GCFC2: variants seen among roughly 807,000 people sequenced by gnomAD.
The protein encoded by GCFC2 is intron Large complex component GCFC2.
Under a neutral mutation model 99.4 loss-of-function variants are expected in GCFC2, and 102 were observed. The observed-to-expected ratio is 1.03, with a 90% confidence interval of 0.87 to 1.21. The LOEUF (loss-of-function observed/expected upper bound fraction) is 1.21. Ranked by LOEUF, GCFC2 falls within the 50% of genes most tolerant of loss-of-function variation. The pLI, the probability that GCFC2 is intolerant of heterozygous loss-of-function variation, is 0.00. For missense variants in GCFC2, 973 were observed against 920.9 expected (o/e 1.06, Z -0.73); for synonymous variants, 338 against 316.8 (o/e 1.07, Z -0.71).
chr2:75,677,020 C>T (rs1389341027), intron 12 of GCFC2, among the ~76,000 whole-genome samples: 1 of 152,176 alleles, frequency 6.6e-6, no homozygotes, highest in Non-Finnish European at 1.5e-5. Flanking sequence ...CAATGCCCTA[C>T]TGGCCATTAT....
At chr2:75,688,888 A>G in intron 10 of GCFC2, 138 bp downstream of exon 10, 1 of 571,304 alleles carries the variant, frequency 1.8e-6, no homozygotes, top group Non-Finnish European at 3.1e-6. Flanking sequence ...GAAAGCACAC[A>G]TTTTCTGACT....
chr2:75,705,623 A>AAC (rs1241551428), intron 2 of GCFC2, among the ~76,000 whole-genome samples: 1 of 150,808 alleles, frequency 6.6e-6, no homozygotes, highest in African/African-American at 2.4e-5. Flanking sequence ...TCTCAAAAAA[A>AAC]AAAAAAAAAA....
At chr2:75,686,945 T>TA (rs911810019) in intron 11 of GCFC2, among the ~76,000 whole-genome samples, 2 of 151,914 alleles carry the variant, frequency 1.3e-5, no homozygotes, top group African/African-American at 4.8e-5. Flanking sequence ...CAATTTTTTT[T>TA]TTTTTTGAGA....
intron 1 of GCFC2, 126 bp downstream of exon 1, chr2:75,710,465 A>G: frequency 1.4e-6 from 2 of 1,383,548 alleles, no homozygotes; most frequent in Non-Finnish European, 1.9e-6. Context: ...GTCTTTCTGG[A>G]TAAGACTCAG....
intron 5 of GCFC2, among the ~76,000 whole-genome samples, chr2:75,695,611 A>T (rs1680276590): frequency 6.6e-6 from 1 of 152,220 alleles, no homozygotes; most frequent in African/African-American, 2.4e-5. Flanking sequence ...GAATGCAAAT[A>T]ATACCAAAGC....
At chr2:75,698,311 A>G (rs1680422433) in intron 4 of GCFC2, among the ~76,000 whole-genome samples, 1 of 152,214 alleles carries the variant, frequency 6.6e-6, no homozygotes, top group Non-Finnish European at 1.5e-5. Flanking sequence ...AATTATTACA[A>G]AGGAATAGTT....
At position 75,694,275 on chromosome 2, in the gene GCFC2, T is replaced by C. The variant is rs780462921; in HGVS notation, c.986A>G (p.Tyr329Cys). ...NCKFYKSMKI[Y>C]VENLIDCLNE... ...AAGGCAGTCAATTAAATTTTCCACA[T>C]AAATTTTCATGCTTTTATAGAATTT... The change falls in exon 6 of 17, where the codon TAT becomes TGT. Residue 329 changes from tyrosine (Y) to cysteine (C), a missense_variant. Coordinates refer to ENST00000321027, the MANE Select transcript of GCFC2 (RefSeq NM_003203.5). The C allele has an allele frequency of 3.6e-6, 4 of 1,119,518 alleles. No homozygotes were observed. The South Asian group carries it at 5.9e-5, about 17-fold the overall frequency. The allele number at this position is 1,119,518 out of a possible 1,614,324, so 69.3% of individuals were successfully genotyped here.
chr2:75,671,922 C>T, intron 14 of GCFC2, 28 bp downstream of exon 14: 3 of 1,214,014 alleles, frequency 2.5e-6, no homozygotes, highest in Non-Finnish European at 2.4e-6. Flanking sequence ...ACAAAAATTG[C>T]CTTTTCATTT....
In GCFC2 at chr2:75,702,491, A is replaced by T. The variant is rs965852660; in HGVS notation, c.395-68T>A. 8 of 1,254,278 alleles carry T rather than the reference A, an allele frequency of 6.4e-6. No individual in the cohort carries two copies. In the East Asian group the frequency reaches 1.7e-4, roughly 27 times the overall value. 77.7% of individuals were successfully genotyped at this position (1,254,278 alleles called of 1,614,324 possible). A position where few individuals can be genotyped will look rare whatever the true frequency, so the allele number is the denominator to read the frequency against. On this transcript the variant is annotated intron_variant, in intron 2 of 16. Transcript: ENST00000321027. ...TGTAAGTAAATATTCCTCACATTTA[A>T]GAAAAAGAAAAAAGCACCATTTTCC... is the stretch of plus-strand genomic sequence containing the variant.
At chr2:75,673,262 C>G (rs1049268978) in intron 13 of GCFC2, among the ~76,000 whole-genome samples, 182 bp downstream of exon 13, 13 of 151,568 alleles carry the variant, frequency 8.6e-5, no homozygotes, top group Non-Finnish European at 7.4e-5. Flanking sequence ...GAGCCGAGAT[C>G]GCGCCACTGC....
chr2:75,671,314 T>C (rs1275693608), intron 14 of GCFC2, among the ~76,000 whole-genome samples: 1 of 152,178 alleles, frequency 6.6e-6, no homozygotes, highest in East Asian at 1.9e-4. Context: ...TGGCTCCAAA[T>C]ATTACCTACA....
chr2:75,709,209 T>C (rs540109269), intron 1 of GCFC2, among the ~76,000 whole-genome samples: 4 of 152,256 alleles, frequency 2.6e-5, no homozygotes, highest in South Asian at 2.1e-4. Flanking sequence ...CAAAAGCTCT[T>C]TGGAATCCTT....
In GCFC2 at chr2:75,664,551, T is replaced by A. The variant is rs1282691315; in HGVS notation, c.*115A>T. On this transcript the variant is annotated 3_prime_UTR_variant, in exon 17 of 17. Transcript: ENST00000321027. ...TACAGAGGTGGAGTCCTGCTTTTTT[T>A]CAAATCCTACCTTCTATTACAGGGA... 1.7e-5 allele frequency: 10 copies of A among 573,288 alleles called. No individual in the cohort carries two copies. Among genetic ancestry groups the A allele is most frequent in the Non-Finnish European group, 3.1e-5 (10 of 324,248 alleles). 35.5% of individuals were successfully genotyped at this position (573,288 alleles called of 1,614,324 possible).
intron 12 of GCFC2, among the ~76,000 whole-genome samples, chr2:75,677,961 G>A (rs1679421860): frequency 6.7e-6 from 1 of 150,106 alleles, no homozygotes; most frequent in South Asian, 2.1e-4. Context: ...CTGGGTGACA[G>A]AGCAAGACTC....
In GCFC2 at chr2:75,665,943, A is replaced by G; in HGVS notation, c.2214T>C (p.Ser738=). 1.1e-5 allele frequency: 17 copies of G among 1,590,478 alleles called. No individual in the cohort carries two copies. Among genetic ancestry groups the G allele is most frequent in the Non-Finnish European group, 1.5e-5 (17 of 1,161,986 alleles). The change falls in exon 16 of 17, where the codon TCT becomes TCC. Residue 738 remains serine, a synonymous_variant. Transcript: ENST00000321027. ...QFLLQSAHKL[S]RSEFRDEVEE... is the part of the protein sequence containing the mutation. ...ATATGCATTACCTGAATTCACTTCT[A>G]GATAATTTATGTGCAGACTGCAATA... is the stretch of plus-strand genomic sequence containing the variant.
intron 4 of GCFC2, among the ~76,000 whole-genome samples, chr2:75,699,011 C>G (rs74794545): frequency 4.7e-5 from 4 of 84,472 alleles, no homozygotes; most frequent in Non-Finnish European, 1.1e-4. Context: ...AACTCTGTCT[C>G]AAAAAAAAAA....
At chr2:75,691,665 CT>C (rs1434382405) in intron 7 of GCFC2, among the ~76,000 whole-genome samples, 1 of 152,078 alleles carries the variant, frequency 6.6e-6, no homozygotes, top group Non-Finnish European at 1.5e-5. Context: ...GGCTCTGAAA[CT>C]ATGAAGTTAG....
At chr2:75,701,907 G>A (rs1384763174) in intron 3 of GCFC2, 5 of 1,120,914 alleles carry the variant, frequency 4.5e-6, no homozygotes, top group Non-Finnish European at 4.4e-6. Context: ...AGGTAAAAAC[G>A]ATCGTTTTCA....
intron 1 of GCFC2, among the ~76,000 whole-genome samples, chr2:75,707,078 C>A (rs1680905745): frequency 6.6e-6 from 1 of 152,172 alleles, no homozygotes; most frequent in African/African-American, 2.4e-5. Flanking sequence ...AATGCAATTT[C>A]TGATGAGTTC....
Sources: allele counts gnomAD v4.1 joint callset (sites outside exome capture counted in the v4.1 genomes callset), GRCh38; gene constraint gnomAD v4.1.1; transcripts MANE v1.5; gene names NCBI Gene and HGNC (gene_info 2026-07-23, HGNC 2026-07-21).